PDZD2: variants seen among roughly 807,000 people sequenced by gnomAD.
The protein encoded by PDZD2 is PDZ domain-containing protein 2.
Under a neutral mutation model 220.7 loss-of-function variants are expected in PDZD2, and 90 were observed. That is an observed-to-expected ratio of 0.41 (90% confidence interval 0.34 to 0.49). The LOEUF (loss-of-function observed/expected upper bound fraction) is 0.49, where lower values mean the gene tolerates loss of function less well. PDZD2 is among the 20% of genes least tolerant of loss of function. The pLI, the probability that PDZD2 is intolerant of heterozygous loss-of-function variation, is 0.28. For synonymous variants in PDZD2, 1,375 were observed against 1,450.5 expected (o/e 0.95, Z 1.18); for missense variants, 3,174 against 3,608.5 (o/e 0.88, Z 3.08).
intron 2 of PDZD2, among the ~76,000 whole-genome samples, chr5:31,959,613 G>A (rs1187374404): frequency 6.6e-6 from 1 of 152,126 alleles, no homozygotes; most frequent in African/African-American, 2.4e-5. Flanking sequence ...ACCTCTCAAA[G>A]TGCTGGGATT....
chr5:32,065,634 C>T (rs1315339240), intron 14 of PDZD2, among the ~76,000 whole-genome samples: 4 of 152,162 alleles, frequency 2.6e-5, no homozygotes, highest in Admixed American at 6.6e-5. Flanking sequence ...ACAAAATTGC[C>T]GTTAGACTAA....
intron 2 of PDZD2, among the ~76,000 whole-genome samples, chr5:31,838,656 A>G (rs1162152403): frequency 6.6e-5 from 10 of 152,206 alleles, no homozygotes; most frequent in Non-Finnish European, 1.0e-4. Flanking sequence ...TTTTCTTCAC[A>G]AGGCCATGGT....
intron 1 of PDZD2, among the ~76,000 whole-genome samples, chr5:31,709,630 C>T (rs1223253857): frequency 6.6e-6 from 1 of 152,208 alleles, no homozygotes; most frequent in African/African-American, 2.4e-5. Flanking sequence ...TTTGCCTTTA[C>T]CAAGCTTCCT....
chr5:31,652,903 T>C (rs1745405822), intron 1 of PDZD2, among the ~76,000 whole-genome samples: 1 of 152,050 alleles, frequency 6.6e-6, no homozygotes, highest in Non-Finnish European at 1.5e-5. Flanking sequence ...TCTCAGCTGC[T>C]TGGGAGGCTG....
chr5:31,979,463 C>G (rs1750091031), intron 2 of PDZD2, among the ~76,000 whole-genome samples: 1 of 151,638 alleles, frequency 6.6e-6, no homozygotes, highest in Admixed American at 6.6e-5. Flanking sequence ...ACCTGTAATT[C>G]TAGCTACTCG....
chr5:31,884,981 G>A (rs1410017510), intron 2 of PDZD2, among the ~76,000 whole-genome samples: 3 of 152,170 alleles, frequency 2.0e-5, no homozygotes, highest in Middle Eastern at 6.8e-3. Flanking sequence ...CACATTGTTT[G>A]TGGGACGATG....
At chr5:31,967,910 A>T (rs1304531058) in intron 2 of PDZD2, among the ~76,000 whole-genome samples, 1 of 152,234 alleles carries the variant, frequency 6.6e-6, no homozygotes, top group Non-Finnish European at 1.5e-5. Flanking sequence ...AAGTAGAGAG[A>T]TTTGGACACA....
intron 3 of PDZD2, among the ~76,000 whole-genome samples, chr5:31,984,036 G>A (rs1023392437): frequency 3.3e-5 from 5 of 152,170 alleles, no homozygotes; most frequent in African/African-American, 4.8e-5. Flanking sequence ...CAGTGGAATC[G>A]CTGCTGCAAG....
intron 1 of PDZD2, among the ~76,000 whole-genome samples, chr5:31,785,554 T>C (rs966646659): frequency 6.6e-6 from 1 of 151,828 alleles, no homozygotes; most frequent in African/African-American, 2.4e-5. Context: ...GATCCTGCCA[T>C]GTCAGCCTCC....
chr5:31,995,853 A>G (rs1689003257), intron 4 of PDZD2, 135 bp downstream of exon 4: 2 of 812,120 alleles, frequency 2.5e-6, no homozygotes, highest in East Asian at 2.7e-5. Context: ...GCTGGAGCAC[A>G]GGAGGAAACC....
chr5:31,975,892 C>T (rs1561238705), intron 2 of PDZD2, among the ~76,000 whole-genome samples: 1 of 148,898 alleles, frequency 6.7e-6, no homozygotes, highest in Non-Finnish European at 1.5e-5. Flanking sequence ...CAGCCTCGAC[C>T]TCCTAGGCTC....
At chr5:31,767,027 CTTTTTT>C (rs3032828) in intron 1 of PDZD2, among the ~76,000 whole-genome samples, 1 of 94,298 alleles carries the variant, frequency 1.1e-5, no homozygotes, top group African/African-American at 4.9e-5. Flanking sequence ...TGCACCCAGC[CTTTTTT>C]TTTTTTTTTT....
intron 2 of PDZD2, among the ~76,000 whole-genome samples, chr5:31,810,487 G>A (rs1016130667): frequency 1.3e-5 from 2 of 152,044 alleles, no homozygotes; most frequent in Non-Finnish European, 2.9e-5. Flanking sequence ...GGATGGTCTG[G>A]ATCTCCTGAC....
intron 2 of PDZD2, among the ~76,000 whole-genome samples, chr5:31,939,145 G>A (rs1051864342): frequency 1.3e-5 from 2 of 152,190 alleles, no homozygotes; most frequent in Admixed American, 6.5e-5. Flanking sequence ...TGGAAAACAA[G>A]ATGGCGCCTG....
chr5:32,061,706 A>G (rs951623599), intron 14 of PDZD2, among the ~76,000 whole-genome samples: 4 of 152,214 alleles, frequency 2.6e-5, no homozygotes, highest in African/African-American at 9.6e-5. Context: ...TGAGCTCAGA[A>G]GTTTGAAACC....
chr5:31,850,357 G>A (rs1757985330), intron 2 of PDZD2, among the ~76,000 whole-genome samples: 1 of 135,854 alleles, frequency 7.4e-6, no homozygotes. Flanking sequence ...TGTTTTGAGA[G>A]AACATTACAT....
chr5:32,098,777 T>A lies in PDZD2; in HGVS notation c.8218+143T>A, dbSNP rs1743973103. The A allele has an allele frequency of 1.3e-6, 1 of 757,140 alleles. No homozygotes were observed. Among genetic ancestry groups the A allele is most frequent in the South Asian group, 2.0e-5 (1 of 51,230 alleles). 46.9% of individuals were successfully genotyped at this position (757,140 alleles called of 1,614,324 possible). A position where few individuals can be genotyped will look rare whatever the true frequency, so the allele number is the denominator to read the frequency against. ...AGCGAAGTCTAGTGTGTTTGGATGC[T>A]GCTTACAAAAGCAGTGTTACAAATA... On this transcript the variant is annotated intron_variant, in intron 23 of 24. Coordinates refer to ENST00000438447, the MANE Select transcript of PDZD2 (RefSeq NM_178140.4). This position sits in a 1 kb window ranked among gnomAD's most constrained non-coding sequence, Gnocchi z 4.1.
At chr5:32,029,521 C>T (rs183225999) in intron 6 of PDZD2, among the ~76,000 whole-genome samples, 1 of 152,100 alleles carries the variant, frequency 6.6e-6, no homozygotes, top group African/African-American at 2.4e-5. Flanking sequence ...CACATCATTT[C>T]CCCTTTCCCC....
At chr5:31,801,437 G>A (rs1415628127) in intron 2 of PDZD2, among the ~76,000 whole-genome samples, 1 of 152,158 alleles carries the variant, frequency 6.6e-6, no homozygotes, top group Non-Finnish European at 1.5e-5. Context: ...TGGAGGCTGG[G>A]TCCAGGGTTA....
Sources: allele counts gnomAD v4.1 joint callset (sites outside exome capture counted in the v4.1 genomes callset), GRCh38; gene constraint gnomAD v4.1.1; non-coding constraint Gnocchi (gnomAD v3.1); transcripts MANE v1.5; gene names NCBI Gene and HGNC (gene_info 2026-07-23, HGNC 2026-07-21).